Variants in GRM8 observed in about 807,000 individuals in gnomAD.
The protein encoded by GRM8 is glutamate metabotropic receptor 8, also known as metabotropic glutamate receptor 8.
GRM8 carries 47 observed loss-of-function variants against 87.2 expected under a neutral mutation model. The observed-to-expected ratio is 0.54, with a 90% CI of 0.43 to 0.69. The LOEUF is 0.69. GRM8 is among the 30% of genes least tolerant of loss of function. GRM8 has a pLI of 0.00. For synonymous variants in GRM8, 396 were observed against 404.5 expected (o/e 0.98, Z 0.25); for missense variants, 1,019 against 1,139.2 (o/e 0.89, Z 1.52).
intron 3 of GRM8, among the ~76,000 whole-genome samples, chr7:127,054,509 C>T (rs1819796991): frequency 6.6e-6 from 1 of 152,122 alleles, no homozygotes; most frequent in African/African-American, 2.4e-5. Flanking sequence ...ATATGCATTG[C>T]ATTACAGCAA....
chr7:126,683,611 C>T (rs950795557), intron 7 of GRM8, among the ~76,000 whole-genome samples: 24 of 152,114 alleles, frequency 1.6e-4, no homozygotes, highest in African/African-American at 5.1e-4. Context: ...ACATGTAAAC[C>T]TTACTGAAGG....
chr7:126,577,561 C>T (rs1310342718), intron 8 of GRM8, among the ~76,000 whole-genome samples: 1 of 133,664 alleles, frequency 7.5e-6, no homozygotes, highest in South Asian at 2.6e-4. Flanking sequence ...TGATGATTTA[C>T]TCCAAAAAAA....
chr7:127,030,430 A>T (rs1472257780), intron 3 of GRM8, among the ~76,000 whole-genome samples: 1 of 152,114 alleles, frequency 6.6e-6, no homozygotes, highest in Non-Finnish European at 1.5e-5. Context: ...TTCAACTTAG[A>T]AAAAGGGGCA....
At chr7:126,583,113 T>C (rs977317547) in intron 8 of GRM8, among the ~76,000 whole-genome samples, 2 of 152,196 alleles carry the variant, frequency 1.3e-5, no homozygotes, top group Admixed American at 6.5e-5. Context: ...CCCAGCACTT[T>C]GGGAGGCTAA....
At chr7:126,974,581 G>C (rs765601728) in intron 3 of GRM8, among the ~76,000 whole-genome samples, 1 of 152,144 alleles carries the variant, frequency 6.6e-6, no homozygotes, top group Non-Finnish European at 1.5e-5. Flanking sequence ...AAGGTAGCTG[G>C]AGATATAAGT....
chr7:127,037,819 G>A (rs555803792), intron 3 of GRM8, among the ~76,000 whole-genome samples: 3 of 147,712 alleles, frequency 2.0e-5, no homozygotes, highest in Admixed American at 6.8e-5. Context: ...GTGCATGCAC[G>A]TGCATGCGCA....
chr7:127,178,892 A>C (rs1037644322), intron 2 of GRM8, among the ~76,000 whole-genome samples: 2 of 152,196 alleles, frequency 1.3e-5, no homozygotes, highest in African/African-American at 4.8e-5. Flanking sequence ...AAACTCTTTA[A>C]AGCATAAATC....
At chr7:126,971,572 T>G (rs946473442) in intron 3 of GRM8, among the ~76,000 whole-genome samples, 1 of 152,190 alleles carries the variant, frequency 6.6e-6, no homozygotes, top group Non-Finnish European at 1.5e-5. Context: ...GTCAGTCTTA[T>G]GAATGCACTT....
chr7:126,542,707 A>C (rs1195794496), intron 8 of GRM8, among the ~76,000 whole-genome samples: 2 of 152,226 alleles, frequency 1.3e-5, no homozygotes, highest in African/African-American at 4.8e-5. Context: ...TCCAGACTTT[A>C]TTCTTTAAAG....
intron 9 of GRM8, among the ~76,000 whole-genome samples, chr7:126,517,453 G>A (rs563865215): frequency 1.1e-4 from 16 of 152,060 alleles, no homozygotes; most frequent in Admixed American, 2.6e-4. Flanking sequence ...TATATGCCAC[G>A]TCACTTAGTA....
chr7:126,874,882 G>T (rs935926697), intron 6 of GRM8, among the ~76,000 whole-genome samples: 2 of 152,116 alleles, frequency 1.3e-5, no homozygotes, highest in Non-Finnish European at 2.9e-5. Context: ...ATGTGTAAAT[G>T]ACCACACTTT....
At chr7:127,049,917 G>A (rs569167123) in intron 3 of GRM8, among the ~76,000 whole-genome samples, 2 of 152,156 alleles carry the variant, frequency 1.3e-5, no homozygotes, top group South Asian at 2.1e-4. Flanking sequence ...AAGAAGAAGT[G>A]GGGGAGTCTG....
chr7:126,657,025 A>G (rs961014068), intron 7 of GRM8, among the ~76,000 whole-genome samples: 6 of 152,196 alleles, frequency 3.9e-5, no homozygotes, highest in Non-Finnish European at 8.8e-5. Flanking sequence ...ACAGCAATTT[A>G]TATTTACTGA....
chr7:127,145,126 A>G (rs1828484792), intron 2 of GRM8, among the ~76,000 whole-genome samples: 1 of 152,122 alleles, frequency 6.6e-6, no homozygotes, highest in African/African-American at 2.4e-5. Flanking sequence ...AACAAATAGT[A>G]ATTAAACAGA....
intron 3 of GRM8, among the ~76,000 whole-genome samples, chr7:126,972,177 T>C (rs1240977170): frequency 1.3e-5 from 2 of 152,218 alleles, no homozygotes; most frequent in East Asian, 1.9e-4. Flanking sequence ...AAAACAACAA[T>C]AAGACATCTA....
intron 8 of GRM8, among the ~76,000 whole-genome samples, chr7:126,548,121 C>T (rs1817367868): frequency 6.6e-6 from 1 of 151,838 alleles, no homozygotes; most frequent in Non-Finnish European, 1.5e-5. Flanking sequence ...GCCGGAGAGA[C>T]TCTCTAAGAA....
chr7:127,077,241 T>G lies in GRM8; in HGVS notation c.727+29255A>C, dbSNP rs554365659. On this transcript the variant is annotated intron_variant, in intron 3 of 10. Coordinates refer to ENST00000339582, the MANE Select transcript of GRM8 (RefSeq NM_000845.3). The stretch of plus-strand genomic sequence containing the variant: ...CAGGTATTCACTCTAGCCCTCTCTC[T>G]GGTGTTCAGCCAAGCAAATGTCAGG... 2.0e-4 allele frequency among the ~76,000 whole-genome samples: 31 copies of G among 152,330 alleles called. No homozygotes were observed. In the South Asian group the frequency reaches 2.5e-3, roughly 12 times the overall value.
At chr7:127,241,542 TCCTCCCTCAG>T (rs1309811141) in intron 2 of GRM8, among the ~76,000 whole-genome samples, 2 of 151,640 alleles carry the variant, frequency 1.3e-5, no homozygotes, top group Admixed American at 1.3e-4. Flanking sequence ...CAAGCGATTC[TCCTCCCTCAG>T]CCTCCCAAGT....
chr7:126,578,077 C>A (rs188912835), intron 8 of GRM8, among the ~76,000 whole-genome samples: 59 of 152,156 alleles, frequency 3.9e-4, no homozygotes, highest in Admixed American at 6.5e-4. Flanking sequence ...AAAGATGTTT[C>A]TTTTTAAAGA....
Sources: allele counts gnomAD v4.1 joint callset (sites outside exome capture counted in the v4.1 genomes callset), GRCh38; gene constraint gnomAD v4.1.1; transcripts MANE v1.5; gene names NCBI Gene and HGNC (gene_info 2026-07-23, HGNC 2026-07-21).